RGS7BP: variants seen among roughly 807,000 people sequenced by gnomAD.
RGS7BP encodes the protein regulator of G protein signaling 7 binding protein, also known as regulator of G protein signaling 7-binding protein.
RGS7BP carries 9 observed loss-of-function variants against 31.3 expected under a neutral mutation model. The observed-to-expected ratio is 0.29, with a 90% CI of 0.17 to 0.50. RGS7BP has a LOEUF of 0.50. Among genes scored for constraint, RGS7BP ranks in the 20% least tolerant of loss-of-function variants. The pLI is 0.98. For synonymous variants in RGS7BP, 115 were observed against 120.1 expected (o/e 0.96, Z 0.28); for missense variants, 274 against 322.0 (o/e 0.85, Z 1.14).
At chr5:64,567,831 G>A (rs1018957952) in intron 2 of RGS7BP, among the ~76,000 whole-genome samples, 1 of 152,096 alleles carries the variant, frequency 6.6e-6, no homozygotes, top group Non-Finnish European at 1.5e-5. Flanking sequence ...ACTGCATACT[G>A]CAATGAATGA....
intron 4 of RGS7BP, among the ~76,000 whole-genome samples, chr5:64,595,447 A>G (rs1199354827): frequency 6.6e-6 from 1 of 152,110 alleles, no homozygotes; most frequent in Non-Finnish European, 1.5e-5. Flanking sequence ...GCATTTTCTT[A>G]ACTTCAGTAG....
chr5:64,554,651 A>C (rs1187578521), intron 2 of RGS7BP, among the ~76,000 whole-genome samples: 1 of 152,200 alleles, frequency 6.6e-6, no homozygotes, highest in Non-Finnish European at 1.5e-5. Flanking sequence ...TGAGATCACA[A>C]GTTAAATTGT....
chr5:64,560,052 A>G (rs961993381), intron 2 of RGS7BP, among the ~76,000 whole-genome samples: 1 of 152,172 alleles, frequency 6.6e-6, no homozygotes, highest in Non-Finnish European at 1.5e-5. Flanking sequence ...GCCATATTAC[A>G]TAGCATGTTC....
At chr5:64,575,557 T>G in intron 2 of RGS7BP, 1 of 704,944 alleles carries the variant, frequency 1.4e-6, no homozygotes, top group Non-Finnish European at 1.9e-6. Flanking sequence ...AGAACTCTGC[T>G]GCTGAAGGGG....
intron 2 of RGS7BP, among the ~76,000 whole-genome samples, chr5:64,556,435 A>ACACACC (rs1741928356): frequency 6.8e-6 from 1 of 146,906 alleles, no homozygotes; most frequent in African/African-American, 2.7e-5. Flanking sequence ...ACACACACAC[A>ACACACC]CACACACACA....
At chr5:64,571,433 A>G (rs891105001) in intron 2 of RGS7BP, among the ~76,000 whole-genome samples, 3 of 152,142 alleles carry the variant, frequency 2.0e-5, no homozygotes, top group African/African-American at 7.2e-5. Context: ...TTGGCCAAAT[A>G]CCTAGAAATG....
At chr5:64,528,810 CAAAAAAAAAAAAAAA>C (rs61488452) in intron 2 of RGS7BP, among the ~76,000 whole-genome samples, 1 of 65,306 alleles carries the variant, frequency 1.5e-5, no homozygotes, top group African/African-American at 5.9e-5. Context: ...GACTCCATCT[CAAAAAAAAAAAAAAA>C]AAAAAAAAAA....
chr5:64,599,366 G>A (rs1343618258), intron 5 of RGS7BP, among the ~76,000 whole-genome samples: 2 of 152,204 alleles, frequency 1.3e-5, no homozygotes, highest in African/African-American at 2.4e-5. Flanking sequence ...CCTGATGGGA[G>A]GGAAGACAGG....
At chr5:64,552,537 T>A (rs1465456702) in intron 2 of RGS7BP, among the ~76,000 whole-genome samples, 1 of 152,206 alleles carries the variant, frequency 6.6e-6, no homozygotes, top group Non-Finnish European at 1.5e-5. Context: ...TCGACATACC[T>A]AACATATCTT....
chr5:64,582,902 C>A (rs192668075), intron 3 of RGS7BP, among the ~76,000 whole-genome samples: 348 of 152,258 alleles, frequency 2.3e-3, no homozygotes, highest in African/African-American at 7.6e-3. Flanking sequence ...TAGAATATAG[C>A]TGCCTTATTT....
At chr5:64,554,795 AG>A (rs1741882517) in intron 2 of RGS7BP, among the ~76,000 whole-genome samples, 1 of 152,208 alleles carries the variant, frequency 6.6e-6, no homozygotes, top group African/African-American at 2.4e-5. Flanking sequence ...AAATTATTAA[AG>A]ACACAAGAGA....
At chr5:64,575,662 CAAGGCTTT>C in intron 2 of RGS7BP, 104 bp from the exon 3 acceptor site, 1 of 1,432,888 alleles carries the variant, frequency 7.0e-7, no homozygotes, top group Non-Finnish European at 9.2e-7. Context: ...ATTTTAGGAT[CAAGGCTTT>C]AAGGAATCTT....
chr5:64,516,347 C>A (rs1748975559), intron 2 of RGS7BP, among the ~76,000 whole-genome samples: 1 of 152,112 alleles, frequency 6.6e-6, no homozygotes, highest in Non-Finnish European at 1.5e-5. Context: ...AGTGCTTTAT[C>A]TTTTTCAGTG....
chr5:64,546,945 G>A (rs1285677943), intron 2 of RGS7BP, among the ~76,000 whole-genome samples: 1 of 152,092 alleles, frequency 6.6e-6, no homozygotes, highest in East Asian at 1.9e-4. Context: ...TCAACCCCAA[G>A]AGGAATTCAA....
chr5:64,591,733 A>G (rs1415687522), intron 3 of RGS7BP, among the ~76,000 whole-genome samples: 1 of 152,170 alleles, frequency 6.6e-6, no homozygotes, highest in Non-Finnish European at 1.5e-5. Context: ...AAAGCATTCC[A>G]TCAATTAAAA....
intron 2 of RGS7BP, among the ~76,000 whole-genome samples, chr5:64,559,274 C>T (rs553978638): frequency 3.5e-4 from 53 of 152,184 alleles, no homozygotes; most frequent in Non-Finnish European, 5.9e-4. Context: ...TTTCTCAGAG[C>T]GGCCGACACT....
chr5:64,536,667 A>G (rs551351647), intron 2 of RGS7BP, among the ~76,000 whole-genome samples: 3 of 152,322 alleles, frequency 2.0e-5, no homozygotes, highest in African/African-American at 7.2e-5. Flanking sequence ...GAAACTTTCC[A>G]TTCCCTCTGT....
intron 2 of RGS7BP, among the ~76,000 whole-genome samples, chr5:64,566,768 G>A (rs1303945814): frequency 6.6e-6 from 1 of 151,874 alleles, no homozygotes; most frequent in East Asian, 1.9e-4. Context: ...TGTGTAGACT[G>A]TATGGTCACC....
At chr5:64,530,116 G>A (rs748420991) in intron 2 of RGS7BP, among the ~76,000 whole-genome samples, 71 of 152,290 alleles carry the variant, frequency 4.7e-4, no homozygotes, top group African/African-American at 1.2e-3. Flanking sequence ...GCATGCACCC[G>A]TCATTAGGAG....
Sources: gnomAD v4.1 joint callset for allele counts (sites outside exome capture counted in the v4.1 genomes callset) on GRCh38, gnomAD v4.1.1 for gene constraint, MANE v1.5 for transcripts, NCBI Gene and HGNC (gene_info 2026-07-23, HGNC 2026-07-21) for gene names.